NRXN1: variants seen among roughly 807,000 people sequenced by gnomAD.
The protein encoded by NRXN1 is neurexin-1.
A neutral mutation model predicts 150.9 loss-of-function variants in NRXN1; 39 were observed. The ratio of observed to expected loss-of-function variants is 0.26; its 90% CI spans 0.20 to 0.34. The LOEUF is 0.34. Ranked by LOEUF, NRXN1 falls within the 10% of genes least tolerant of loss-of-function variation. The pLI, the probability that NRXN1 is intolerant of heterozygous loss-of-function variation, is 1.00. For missense variants in NRXN1, 1,815 were observed against 1,949.9 expected, an observed-to-expected ratio of 0.93 and a Z score of 1.30; for synonymous variants, 924 against 757.0, an observed-to-expected ratio of 1.22 and a Z score of -3.62.
At chr2:50,901,054 G>T (rs1227704426) in intron 5 of NRXN1, among the ~76,000 whole-genome samples, 5 of 151,914 alleles carry the variant, frequency 3.3e-5, no homozygotes, top group Non-Finnish European at 7.4e-5. Flanking sequence ...TCTATAGAAG[G>T]TATCACTATC....
At chr2:50,117,128 G>A (rs1265540590) in intron 18 of NRXN1, among the ~76,000 whole-genome samples, 1 of 152,122 alleles carries the variant, frequency 6.6e-6, no homozygotes, top group African/African-American at 2.4e-5. Context: ...GTTTGTATCA[G>A]AATCTGTTTA....
chr2:49,951,606 A>C (rs766745761), intron 21 of NRXN1, among the ~76,000 whole-genome samples: 13 of 152,030 alleles, frequency 8.6e-5, no homozygotes, highest in South Asian at 6.2e-4. Context: ...TTTTGGACAA[A>C]GCACTTTCTG....
At chr2:50,527,460 A>C (rs2092985471) in intron 12 of NRXN1, among the ~76,000 whole-genome samples, 1 of 152,134 alleles carries the variant, frequency 6.6e-6, no homozygotes, top group African/African-American at 2.4e-5. Context: ...GATCTTTTTA[A>C]ATGCCTGGGA....
chr2:50,447,915 G>C (rs1295465722), intron 17 of NRXN1, among the ~76,000 whole-genome samples: 2 of 151,230 alleles, frequency 1.3e-5, no homozygotes, highest in Non-Finnish European at 2.9e-5. Context: ...GGGTTATTAA[G>C]TCTGAGAGAT....
chr2:50,734,649 T>C (rs1024770525), intron 5 of NRXN1, among the ~76,000 whole-genome samples: 1 of 151,720 alleles, frequency 6.6e-6, no homozygotes, highest in South Asian at 2.1e-4. Flanking sequence ...ATAAAACAAA[T>C]GAGCTGTAGA....
At chr2:50,687,794 C>G (rs1364308784) in intron 5 of NRXN1, among the ~76,000 whole-genome samples, 1 of 152,130 alleles carries the variant, frequency 6.6e-6, no homozygotes, top group East Asian at 1.9e-4. Flanking sequence ...TATTTCTCTG[C>G]AGGAGACCAA....
chr2:50,900,206 T>TA (rs915879388), intron 5 of NRXN1, among the ~76,000 whole-genome samples: 1 of 152,214 alleles, frequency 6.6e-6, no homozygotes, highest in Non-Finnish European at 1.5e-5. Flanking sequence ...GGGATCAGCC[T>TA]AAAGGCCTAG....
chr2:50,759,987 C>T (rs973993517), intron 5 of NRXN1, among the ~76,000 whole-genome samples: 1 of 151,744 alleles, frequency 6.6e-6, no homozygotes, highest in Non-Finnish European at 1.5e-5. Flanking sequence ...TAGGAAGCTG[C>T]CCCTCGGAGA....
chr2:50,519,173 T>C (rs1249820497), intron 12 of NRXN1, among the ~76,000 whole-genome samples: 2 of 151,982 alleles, frequency 1.3e-5, no homozygotes, highest in African/African-American at 2.4e-5. Flanking sequence ...TATTAATGCA[T>C]TCATCATGTG....
At chr2:50,365,794 T>C (rs1423634228) in intron 17 of NRXN1, among the ~76,000 whole-genome samples, 2 of 152,024 alleles carry the variant, frequency 1.3e-5, no homozygotes, top group South Asian at 2.1e-4. Context: ...AACAAACAAA[T>C]AAGTAAATTA....
At chr2:50,531,475 G>A (rs111940222) in intron 10 of NRXN1, 45 bp from the exon 11 acceptor site, 1,014 of 1,404,942 alleles carry the variant, frequency 7.2e-4, no homozygotes, top group Non-Finnish European at 9.6e-4. Context: ...ATGGTATAGC[G>A]CATTAATACT....
intron 21 of NRXN1, among the ~76,000 whole-genome samples, chr2:50,018,763 A>G (rs953175281): frequency 1.8e-4 from 28 of 152,306 alleles, no homozygotes; most frequent in African/African-American, 6.7e-4. Flanking sequence ...CTTCTGCCAC[A>G]TCCTTAGCAA....
intron 5 of NRXN1, among the ~76,000 whole-genome samples, chr2:50,740,662 T>G (rs1222758000): frequency 6.6e-6 from 1 of 152,190 alleles, no homozygotes; most frequent in Non-Finnish European, 1.5e-5. Flanking sequence ...GCTGATTTTT[T>G]AAATGAGTTT....
intron 21 of NRXN1, among the ~76,000 whole-genome samples, chr2:50,031,218 G>A (rs901718124): frequency 1.3e-5 from 2 of 151,980 alleles, no homozygotes; most frequent in African/African-American, 4.8e-5. Flanking sequence ...ATGAATCAAT[G>A]TAAAGAAGCC....
intron 5 of NRXN1, among the ~76,000 whole-genome samples, chr2:50,648,801 A>C (rs2104538534): frequency 6.6e-6 from 1 of 151,790 alleles, no homozygotes; most frequent in East Asian, 2.0e-4. Context: ...ACCGTGCTGA[A>C]CTGCGAAGCC....
chr2:50,987,557 A>T (rs1697914843), intron 2 of NRXN1, among the ~76,000 whole-genome samples: 1 of 152,022 alleles, frequency 6.6e-6, no homozygotes, highest in Non-Finnish European at 1.5e-5. Context: ...AAGTTTATTT[A>T]GGAAATCAGA....
chr2:50,648,861 C>A (rs1685184467), intron 5 of NRXN1, among the ~76,000 whole-genome samples: 2 of 151,930 alleles, frequency 1.3e-5, no homozygotes, highest in Admixed American at 1.3e-4. Flanking sequence ...AACTTTTGGC[C>A]CTTCTATTTG....
At chr2:50,163,708 G>A (rs930776354) in intron 18 of NRXN1, among the ~76,000 whole-genome samples, 68 of 152,240 alleles carry the variant, frequency 4.5e-4, no homozygotes, top group African/African-American at 1.6e-3. Context: ...ATGTTTAAAA[G>A]TCCAGTAAGC....
chr2:50,244,990 G>T (rs1259186998), intron 17 of NRXN1, among the ~76,000 whole-genome samples: 1 of 151,926 alleles, frequency 6.6e-6, no homozygotes, highest in Non-Finnish European at 1.5e-5. Context: ...CATGTAAATA[G>T]TTGAGTAGTT....
Sources: allele counts gnomAD v4.1 joint callset (sites outside exome capture counted in the v4.1 genomes callset), GRCh38; gene constraint gnomAD v4.1.1; transcripts MANE v1.5; gene names NCBI Gene and HGNC (gene_info 2026-07-23, HGNC 2026-07-21).